CEP89: variants seen among roughly 807,000 people sequenced by gnomAD.
The protein encoded by CEP89 is centrosomal protein 89.
A neutral mutation model predicts 97.6 loss-of-function variants in CEP89; 95 were observed. The observed-to-expected ratio is 0.97, with a 90% CI of 0.82 to 1.15. The LOEUF (loss-of-function observed/expected upper bound fraction) is 1.15. Among genes scored for constraint, CEP89 ranks in the 50% most tolerant of loss-of-function variants. The pLI, the probability that CEP89 is intolerant of heterozygous loss-of-function variation, is 0.00. For missense variants in CEP89, 869 were observed against 947.7 expected, an observed-to-expected ratio of 0.92 and a Z score of 1.09; for synonymous variants, 354 against 349.1, an observed-to-expected ratio of 1.01 and a Z score of -0.16.
intron 7 of CEP89, among the ~76,000 whole-genome samples, chr19:32,935,416 C>T (rs1002058028): frequency 3.9e-5 from 6 of 152,212 alleles, no homozygotes; most frequent in East Asian, 3.9e-4. Flanking sequence ...AGACTGGATG[C>T]GCATGGTTAC....
intron 1 of CEP89, chr19:32,970,194 C>G (rs548762140): frequency 1.3e-5 from 2 of 152,494 alleles, no homozygotes; most frequent in South Asian, 4.1e-4. Flanking sequence ...GGCCAACTCT[C>G]CAGGCTGACG....
chr19:32,918,080 G>T, intron 13 of CEP89, 144 bp downstream of exon 13: 1 of 694,022 alleles, frequency 1.4e-6, no homozygotes, highest in South Asian at 1.7e-5. Flanking sequence ...ACGTGGAAAG[G>T]TTATAAACAG....
At chr19:32,885,777 T>C (rs1482876473) in intron 17 of CEP89, among the ~76,000 whole-genome samples, 1 of 152,240 alleles carries the variant, frequency 6.6e-6, no homozygotes, top group African/African-American at 2.4e-5. Flanking sequence ...TAGAGCAGAA[T>C]AAGCCACTGT....
At chr19:32,881,102 C>T (rs1969270754) in intron 18 of CEP89, among the ~76,000 whole-genome samples, 1 of 152,152 alleles carries the variant, frequency 6.6e-6, no homozygotes, top group African/African-American at 2.4e-5. Flanking sequence ...ACACTGTTCC[C>T]CATGAGTGGG....
At chr19:32,957,440 G>A (rs1971071902) in intron 3 of CEP89, among the ~76,000 whole-genome samples, 1 of 152,112 alleles carries the variant, frequency 6.6e-6, no homozygotes, top group African/African-American at 2.4e-5. Flanking sequence ...GCCAAGGAGA[G>A]AGGATCTCTT....
intron 1 of CEP89, among the ~76,000 whole-genome samples, chr19:32,967,522 A>G (rs1295838608): frequency 2.8e-5 from 4 of 144,688 alleles, no homozygotes; most frequent in Admixed American, 1.4e-4. Context: ...AAAAAAAAAG[A>G]GCATCAATGA....
intron 17 of CEP89, among the ~76,000 whole-genome samples, chr19:32,885,275 C>T (rs1027540633): frequency 6.6e-6 from 1 of 152,226 alleles, no homozygotes; most frequent in Non-Finnish European, 1.5e-5. Context: ...ATATTCTTCG[C>T]TCACTACAAG....
At chr19:32,960,201 G>A in intron 2 of CEP89, 143 bp from the exon 3 acceptor site, 1 of 753,120 alleles carries the variant, frequency 1.3e-6, no homozygotes, top group South Asian at 1.8e-5. Flanking sequence ...ATCTACCGCA[G>A]GCCATCAGAC....
chr19:32,900,117 C>T, intron 15 of CEP89, 119 bp from the exon 16 acceptor site: 1 of 873,136 alleles, frequency 1.1e-6, no homozygotes, highest in Non-Finnish European at 1.8e-6. Context: ...TATTCTTCAG[C>T]AACCTAAATC....
Position 32,881,717 on chromosome 19 carries a change from T to G in CEP89, c.2135+127A>C, listed in dbSNP as rs138703899. The G allele has an allele frequency of 5.1e-4, 445 of 869,932 alleles. 4 individuals carry two copies. The East Asian group carries it at 0.012, about 23-fold the overall frequency. 53.9% of individuals were successfully genotyped at this position (869,932 alleles called of 1,614,324 possible). On this transcript the variant is annotated intron_variant, in intron 18 of 18. Coordinates refer to ENST00000305768, the MANE Select transcript of CEP89 (RefSeq NM_032816.5). ...ACTTGAGACCAATATTACATTCAGA[T>G]CAGAGTAAAATGTAGAAACAAAATT...
intron 16 of CEP89, among the ~76,000 whole-genome samples, chr19:32,896,976 T>C (rs1486002535): frequency 6.6e-6 from 1 of 152,148 alleles, no homozygotes; most frequent in Non-Finnish European, 1.5e-5. Flanking sequence ...TGAGATATCA[T>C]CTTACTCCAG....
At chr19:32,944,903 G>T (rs144294251) in intron 5 of CEP89, among the ~76,000 whole-genome samples, 1,652 of 152,274 alleles carry the variant, frequency 0.011, 15 homozygotes, top group Non-Finnish European at 0.016. Flanking sequence ...ACTTTACATT[G>T]TCACTTCATT....
intron 14 of CEP89, among the ~76,000 whole-genome samples, chr19:32,903,998 A>G (rs1969837525): frequency 6.6e-6 from 1 of 152,194 alleles, no homozygotes; most frequent in Non-Finnish European, 1.5e-5. Flanking sequence ...TGTCTCTACA[A>G]AAGATTTAAA....
chr19:32,960,110 A>C, intron 2 of CEP89, 52 bp from the exon 3 acceptor site: 1 of 1,595,826 alleles, frequency 6.3e-7, no homozygotes, highest in Non-Finnish European at 8.6e-7. Context: ...ATTCCAGGTG[A>C]ATGCTGAACA....
At chr19:32,905,402 A>G (rs950183582) in intron 14 of CEP89, among the ~76,000 whole-genome samples, 3 of 152,168 alleles carry the variant, frequency 2.0e-5, no homozygotes, top group Non-Finnish European at 4.4e-5. Context: ...GTTTCTAGAA[A>G]GGTTTATGTA....
At chr19:32,935,522 C>A (rs1253300553) in intron 7 of CEP89, among the ~76,000 whole-genome samples, 3 of 152,182 alleles carry the variant, frequency 2.0e-5, no homozygotes, top group Non-Finnish European at 2.9e-5. Flanking sequence ...CCGCAGGATA[C>A]ACATCATGAA....
intron 5 of CEP89, among the ~76,000 whole-genome samples, chr19:32,943,036 C>T (rs1406224226): frequency 2.6e-5 from 4 of 151,904 alleles, no homozygotes; most frequent in African/African-American, 9.7e-5. Flanking sequence ...ATCTTCCTGC[C>T]TCAGCCTCCA....
chr19:32,881,024 T>G (rs556939390), intron 18 of CEP89, among the ~76,000 whole-genome samples: 236 of 152,262 alleles, frequency 1.5e-3, no homozygotes, highest in African/African-American at 5.3e-3. Flanking sequence ...AAACCTGTTC[T>G]GAAAGGCCAG....
rs199880123 is a variant in CEP89, at chr19:32,879,155, G to A, written c.*7C>T. Reference sequence around the variant, plus strand: ...AGAGGAGGCTACACCACGGGCTCCCGCAGATTCTAGCAGGTGGGGGCATGA... The same window carrying A: ...AGAGGAGGCTACACCACGGGCTCCCACAGATTCTAGCAGGTGGGGGCATGA... On this transcript the variant is annotated 3_prime_UTR_variant, in exon 19 of 19. Transcript: ENST00000305768. 133 of 1,601,002 alleles carry A rather than the reference G, an allele frequency of 8.3e-5. 1 individual carries two copies. The African/African-American group carries it at 1.4e-3, about 16-fold the overall frequency.
Sources: allele counts gnomAD v4.1 joint callset (sites outside exome capture counted in the v4.1 genomes callset), GRCh38; gene constraint gnomAD v4.1.1; transcripts MANE v1.5; gene names NCBI Gene and HGNC (gene_info 2026-07-23, HGNC 2026-07-21).